TECPR2: variants seen among roughly 807,000 people sequenced by gnomAD.
TECPR2 encodes tectonin beta-propeller repeat-containing protein 2.
Under a neutral mutation model 138.1 loss-of-function variants are expected in TECPR2, and 65 were observed. The ratio of observed to expected loss-of-function variants is 0.47; its 90% CI spans 0.39 to 0.58. TECPR2 has a LOEUF of 0.58. TECPR2 is among the 20% of genes least tolerant of loss of function. The pLI, the probability that TECPR2 is intolerant of heterozygous loss-of-function variation, is 0.00. For synonymous variants in TECPR2, 746 were observed against 749.8 expected, an observed-to-expected ratio of 0.99 and a Z score of 0.08; for missense variants, 1,553 against 1,824.5, an observed-to-expected ratio of 0.85 and a Z score of 2.71.
chr14:102,427,685 G>A lies in TECPR2; in HGVS notation c.952-565G>A, dbSNP rs377543621. ...ATTCAAAACCCATGAGTTGCAGTGC[G>A]CACTGGCCTCTCCTGCAGGAATGCA... is the stretch of plus-strand genomic sequence containing the variant. On this transcript the variant is annotated intron_variant, in intron 6 of 19. Coordinates refer to ENST00000359520, the MANE Select transcript of TECPR2 (RefSeq NM_014844.5). 6.6e-5 allele frequency among the ~76,000 whole-genome samples: 10 copies of A among 152,240 alleles called. No individual in the cohort carries two copies. The East Asian group carries it at 7.7e-4, about 12-fold the overall frequency.
At chr14:102,386,660 A>G (rs942920383) in intron 2 of TECPR2, among the ~76,000 whole-genome samples, 6 of 152,234 alleles carry the variant, frequency 3.9e-5, no homozygotes, top group Admixed American at 3.9e-4. Flanking sequence ...GGAAGAGTGA[A>G]AGGGAATTAC....
At chr14:102,488,403 A>G (rs1355555744) in intron 17 of TECPR2, among the ~76,000 whole-genome samples, 1 of 149,002 alleles carries the variant, frequency 6.7e-6, no homozygotes, top group East Asian at 2.0e-4. Flanking sequence ...GCAATGGCGC[A>G]ATCTTGACTC....
rs753425197 is a variant in TECPR2, at chr14:102,438,192, A to C, written c.2565A>C (p.Ala855=). ...QKFEDAVQQV[A]VSPSGALLWK... is the part of the protein sequence containing the mutation. The stretch of plus-strand genomic sequence containing the variant: ...TTGAAGATGCTGTCCAGCAGGTGGC[A>C]GTCTCGCCCTCAGGTTCGCCTCCCC... The change falls in exon 10 of 20, where the codon GCA becomes GCC. Residue 855 remains alanine (A), a synonymous_variant. Transcript: ENST00000359520. 1 of 1,606,972 alleles carries C rather than the reference A, an allele frequency of 6.2e-7. No homozygotes were observed. Among genetic ancestry groups the C allele is most frequent in the Non-Finnish European group, 8.5e-7 (1 of 1,178,970 alleles).
At position 102,402,349 on chromosome 14, in the gene TECPR2, T is replaced by C. The variant is rs566061189; in HGVS notation, c.220-4989T>C. Reference sequence around the variant, plus strand: ...GAAATTTAAAAATACTTAAAGATGATTGACAATGAAAACACACATACCAAA... The same window carrying C: ...GAAATTTAAAAATACTTAAAGATGACTGACAATGAAAACACACATACCAAA... On this transcript the variant is annotated intron_variant, in intron 2 of 19. Coordinates refer to ENST00000359520, the MANE Select transcript of TECPR2 (RefSeq NM_014844.5). 3.9e-5 allele frequency among the ~76,000 whole-genome samples: 6 copies of C among 152,122 alleles called. No homozygotes were observed. The East Asian group carries it at 7.7e-4, about 20-fold the overall frequency.
chr14:102,431,575 C>T (rs191591187), intron 7 of TECPR2, among the ~76,000 whole-genome samples: 1 of 152,132 alleles, frequency 6.6e-6, no homozygotes, highest in African/African-American at 2.4e-5. Context: ...ATCTCCTGAC[C>T]TTGTGATCCG....
Position 102,448,434 on chromosome 14 carries a change from G to A in TECPR2, c.3076-1195G>A, listed in dbSNP as rs531064906. Among the ~76,000 whole-genome samples, 516 of 152,302 alleles carry A rather than the reference G, an allele frequency of 3.4e-3. 5 individuals are homozygous for A. Among genetic ancestry groups the A allele is most frequent in the African/African-American group, 0.012 (504 of 41,554 alleles). The stretch of plus-strand genomic sequence containing the variant: ...AGGGGTGGTTGGAGAAATGTCTGAG[G>A]TATATGAATGCTTTTCAGGAATGTT... On this transcript the variant is annotated intron_variant, in intron 13 of 19. Coordinates refer to ENST00000359520, the MANE Select transcript of TECPR2 (RefSeq NM_014844.5).
intron 2 of TECPR2, among the ~76,000 whole-genome samples, chr14:102,378,490 G>A (rs1247072260): frequency 2.0e-5 from 3 of 152,148 alleles, no homozygotes; most frequent in Non-Finnish European, 4.4e-5. Flanking sequence ...TGAGGCAGAT[G>A]TTATTATGAT....
In TECPR2 at chr14:102,412,177, G is replaced by A. The variant is rs192455557; in HGVS notation, c.481-2459G>A. Among the ~76,000 whole-genome samples, 5 of 139,474 alleles carry A rather than the reference G, an allele frequency of 3.6e-5. No individual in the cohort carries two copies. In the East Asian group the frequency reaches 1.0e-3, roughly 28 times the overall value. 91.5% of individuals were successfully genotyped at this position (139,474 alleles called of 152,430 possible). On this transcript the variant is annotated intron_variant, in intron 4 of 19. Transcript: ENST00000359520. Reference sequence around the variant, plus strand: ...ACATGGTCTTACTCCTCTCACCCAGGCTGGTGCACAGTGGTGCAATCACGG... The same window carrying A: ...ACATGGTCTTACTCCTCTCACCCAGACTGGTGCACAGTGGTGCAATCACGG...
In TECPR2 at chr14:102,497,056, C is replaced by T. The variant is rs577262480; in HGVS notation, c.3867C>T (p.Asn1289=). The T allele has an allele frequency of 4.4e-5, 71 of 1,613,832 alleles. No individual in the cohort carries two copies. The highest frequency in any genetic ancestry group is 5.7e-5 in the Non-Finnish European group (67 of 1,180,036). Residue 1289 remains asparagine (N), a synonymous_variant, in exon 18 of 20, where the codon AAC becomes AAT. Coordinates refer to ENST00000359520, the MANE Select transcript of TECPR2 (RefSeq NM_014844.5). Reference sequence around the variant, plus strand: ...TGTGGGTGCTTGACAGCAGGTGGAACGTGCACGTGCGGACCGGGATCACCG... The same window carrying T: ...TGTGGGTGCTTGACAGCAGGTGGAATGTGCACGTGCGGACCGGGATCACCG... ...QMLWVLDSRW[N]VHVRTGITEE...
At chr14:102,492,873 G>A (rs929801918) in intron 17 of TECPR2, among the ~76,000 whole-genome samples, 32 of 152,244 alleles carry the variant, frequency 2.1e-4, no homozygotes, top group Admixed American at 9.8e-4. Context: ...GTTAATGGGC[G>A]GAGGCTCACA....
chr14:102,474,433 T>A (rs1890712484), intron 17 of TECPR2, among the ~76,000 whole-genome samples: 1 of 152,078 alleles, frequency 6.6e-6, no homozygotes, highest in South Asian at 2.1e-4. Context: ...AAGACCAGCC[T>A]GACCAATATG....
chr14:102,366,113 G>C (rs554313567), intron 1 of TECPR2, among the ~76,000 whole-genome samples: 1 of 152,210 alleles, frequency 6.6e-6, no homozygotes, highest in South Asian at 2.1e-4. Flanking sequence ...CAGCGAAGTG[G>C]ATGACTTAGA....
rs577652529 is a variant in TECPR2 at position 102,415,007 on chromosome 14, G to A, written c.638+214G>A. 2.2e-3 allele frequency among the ~76,000 whole-genome samples: 337 copies of A among 152,286 alleles called. No individual in the cohort carries two copies. Among genetic ancestry groups the A allele is most frequent in the African/African-American group, 7.1e-3 (295 of 41,560 alleles). On this transcript the variant is annotated intron_variant, in intron 5 of 19. Coordinates refer to ENST00000359520, the MANE Select transcript of TECPR2 (RefSeq NM_014844.5). The surrounding 1 kb of genome is among the most constrained non-coding windows in gnomAD (Gnocchi z 4.3). ...AGTGTGTTCTTCTTGTCGCAGAGCT[G>A]TAGGAGCCTGCACACACAGCCACTC...
rs367753880 is a variant in TECPR2, at chr14:102,414,697, G to A, written c.542G>A (p.Ser181Asn). Residue 181 changes from serine (S) to asparagine (N), a missense_variant, in exon 5 of 20, where the codon AGC becomes AAC. By Grantham distance (46) the Ser-to-Asn change is conservative. Transcript: ENST00000359520. ...EPSSIVQLDY[S>N]QKVLLVSTLQ... is the part of the protein sequence containing the mutation. Reference sequence around the variant, plus strand: ...TCTTCCATTGTGCAGCTGGATTATAGCCAGAAAGTGCTGCTGGTCTCTACT... The same window carrying A: ...TCTTCCATTGTGCAGCTGGATTATAACCAGAAAGTGCTGCTGGTCTCTACT... 1 of 1,614,136 alleles carries A rather than the reference G, an allele frequency of 6.2e-7. No homozygotes were observed. Among genetic ancestry groups the A allele is most frequent in the African/African-American group, 1.3e-5 (1 of 74,948 alleles).
intron 1 of TECPR2, among the ~76,000 whole-genome samples, chr14:102,369,634 C>T (rs751603476): frequency 3.9e-5 from 6 of 151,988 alleles, no homozygotes; most frequent in Non-Finnish European, 5.9e-5. Flanking sequence ...TCATGTTGCC[C>T]AGGCTGATGT....
chr14:102,393,724 T>C (rs1013257610), intron 2 of TECPR2, among the ~76,000 whole-genome samples: 1 of 152,128 alleles, frequency 6.6e-6, no homozygotes, highest in Non-Finnish European at 1.5e-5. Context: ...ACCACCTGGC[T>C]AATTTTTGTA....
At chr14:102,418,300 T>A (rs1889083600) in intron 5 of TECPR2, among the ~76,000 whole-genome samples, 1 of 152,224 alleles carries the variant, frequency 6.6e-6, no homozygotes, top group South Asian at 2.1e-4. Context: ...GGGGGATATC[T>A]GTGAACAAGG....
At chr14:102,428,434 CTG>C (rs753450395) in intron 7 of TECPR2, 52 bp downstream of exon 7, 1 of 1,594,088 alleles carries the variant, frequency 6.3e-7, no homozygotes, top group Non-Finnish European at 8.5e-7. Flanking sequence ...GTACTATACT[CTG>C]TTGTTTGTAA....
At position 102,411,699 on chromosome 14, in the gene TECPR2, CAAAAA is replaced by C. The variant is rs1173849759; in HGVS notation, c.481-2909_481-2905del. 9.3e-3 allele frequency among the ~76,000 whole-genome samples: 437 copies of C among 46,800 alleles called. 1 individual carries two copies. Among genetic ancestry groups the C allele is most frequent in the East Asian group, 0.028 (54 of 1,902 alleles). The allele number at this position is 46,800 out of a possible 152,430, so 30.7% of individuals were successfully genotyped here. On this transcript the variant is annotated intron_variant, in intron 4 of 19. Transcript: ENST00000359520. Reference sequence around the variant, plus strand: ...AGGTGAAATAAACAGCCATGTTGCTCAAAAAAAAAAAAAAAAAAAAAAAAAAAAAA... The same window carrying C: ...AGGTGAAATAAACAGCCATGTTGCTCAAAAAAAAAAAAAAAAAAAAAAAAA...
Sources: allele counts gnomAD v4.1 joint callset (sites outside exome capture counted in the v4.1 genomes callset), GRCh38; gene constraint gnomAD v4.1.1; non-coding constraint Gnocchi (gnomAD v3.1); transcripts MANE v1.5; gene names NCBI Gene and HGNC (gene_info 2026-07-23, HGNC 2026-07-21).